The following RNF111 variants were observed in gnomAD, a reference collection of about 807,000 sequenced individuals.
RNF111 encodes the protein ring finger protein 111, also known as E3 ubiquitin-protein ligase Arkadia.
RNF111 carries 17 observed loss-of-function variants against 95.1 expected under a neutral mutation model. The ratio of observed to expected loss-of-function variants is 0.18; its 90% confidence interval spans 0.12 to 0.27. The LOEUF (loss-of-function observed/expected upper bound fraction) is 0.27, where lower values mean the gene tolerates loss of function less well. Among genes scored for constraint, RNF111 ranks in the 10% least tolerant of loss-of-function variants. RNF111 has a pLI of 1.00. For missense variants in RNF111, 1,189 were observed against 1,210.4 expected (o/e 0.98, Z 0.26); for synonymous variants, 440 against 414.8 (o/e 1.06, Z -0.74).
At chr15:59,093,272 A>T (rs2079103136) in intron 13 of RNF111, 1 of 352,774 alleles carries the variant, frequency 2.8e-6, no homozygotes, top group Non-Finnish European at 5.4e-6. Flanking sequence ...CTAGAAAGTT[A>T]TAATGTGTTC....
chr15:59,089,531 T>G, intron 10 of RNF111, 136 bp from the exon 11 acceptor site: 1 of 661,998 alleles, frequency 1.5e-6, no homozygotes, highest in Non-Finnish European at 2.7e-6. Context: ...TTAGTTGGAG[T>G]TATGTATTCT....
intron 6 of RNF111, among the ~76,000 whole-genome samples, chr15:59,067,965 T>G (rs1218218545): frequency 1.3e-5 from 2 of 152,242 alleles, no homozygotes; most frequent in Non-Finnish European, 2.9e-5. Flanking sequence ...TTAGTTGGTA[T>G]TATTATTGAG....
At chr15:59,024,872 C>A (rs1430099536) in intron 1 of RNF111, among the ~76,000 whole-genome samples, 2 of 152,144 alleles carry the variant, frequency 1.3e-5, no homozygotes, top group Non-Finnish European at 2.9e-5. Flanking sequence ...ATTTTATTTT[C>A]TGTCTATGAA....
intron 6 of RNF111, among the ~76,000 whole-genome samples, chr15:59,070,439 C>T (rs2042867450): frequency 6.6e-6 from 1 of 152,140 alleles, no homozygotes; most frequent in Non-Finnish European, 1.5e-5. Flanking sequence ...TGGTCACCTT[C>T]ATAAGATGTT....
chr15:59,071,298 CA>C (rs35775103), intron 6 of RNF111, among the ~76,000 whole-genome samples: 54,629 of 94,968 alleles, frequency 0.58, 13,984 homozygotes, highest in Admixed American at 0.68. Context: ...GACTCCATCT[CA>C]AAAAAAAAAA....
chr15:59,018,010 C>T (rs1212299651), intron 1 of RNF111, among the ~76,000 whole-genome samples: 2 of 152,062 alleles, frequency 1.3e-5, no homozygotes, highest in East Asian at 3.8e-4. Flanking sequence ...CCACCTGCCT[C>T]AGCCTCCCAA....
chr15:58,993,855 T>G (rs1298794213), intron 1 of RNF111, among the ~76,000 whole-genome samples: 1 of 152,104 alleles, frequency 6.6e-6, no homozygotes, highest in African/African-American at 2.4e-5. Context: ...TGTGATTGGA[T>G]TCTTAAAAAA....
chr15:59,037,663 C>T (rs2041244756), intron 2 of RNF111, among the ~76,000 whole-genome samples: 2 of 151,976 alleles, frequency 1.3e-5, no homozygotes, highest in African/African-American at 4.8e-5. Context: ...ATGGAGAAAC[C>T]CCGTCTCTAC....
chr15:58,991,308 A>G (rs1375820462), intron 1 of RNF111, among the ~76,000 whole-genome samples: 2 of 152,136 alleles, frequency 1.3e-5, no homozygotes, highest in Non-Finnish European at 2.9e-5. Context: ...ACAAAACAAC[A>G]AAAAAGCCTC....
intron 2 of RNF111, among the ~76,000 whole-genome samples, chr15:59,043,643 C>T (rs1410450731): frequency 6.6e-6 from 1 of 152,152 alleles, no homozygotes; most frequent in Admixed American, 6.5e-5. Flanking sequence ...CTACAGTGAA[C>T]ATTTGGGTAC....
At chr15:59,042,918 G>A (rs541590734) in intron 2 of RNF111, among the ~76,000 whole-genome samples, 1 of 152,162 alleles carries the variant, frequency 6.6e-6, no homozygotes, top group South Asian at 2.1e-4. Flanking sequence ...GGGTGGGGAG[G>A]TCTATGATGG....
intron 2 of RNF111, among the ~76,000 whole-genome samples, chr15:59,040,280 A>G (rs543593214): frequency 2.0e-5 from 3 of 151,866 alleles, no homozygotes; most frequent in East Asian, 3.9e-4. Context: ...TTGCTCCACT[A>G]ATTTTTAAAT....
At chr15:59,057,026 A>G (rs1411945231) in intron 4 of RNF111, among the ~76,000 whole-genome samples, 1 of 152,102 alleles carries the variant, frequency 6.6e-6, no homozygotes, top group African/African-American at 2.4e-5. Flanking sequence ...CTTCTCTCTT[A>G]TTAAAAATGA....
At chr15:59,005,287 G>A (rs1567204196) in intron 1 of RNF111, among the ~76,000 whole-genome samples, 1 of 152,250 alleles carries the variant, frequency 6.6e-6, no homozygotes, top group East Asian at 1.9e-4. Flanking sequence ...ATGAAGTGCT[G>A]GGATTACAGG....
chr15:59,028,838 G>A (rs1375060238), intron 1 of RNF111, among the ~76,000 whole-genome samples: 7 of 150,978 alleles, frequency 4.6e-5, no homozygotes, highest in African/African-American at 1.2e-4. Context: ...GGACTGTAGC[G>A]GTGCAGTCCC....
At chr15:59,027,701 G>C (rs1287230182) in intron 1 of RNF111, among the ~76,000 whole-genome samples, 1 of 147,784 alleles carries the variant, frequency 6.8e-6, no homozygotes, top group Admixed American at 6.8e-5. Flanking sequence ...GCTAATTTTT[G>C]TATTTTTAGT....
chr15:59,055,172 C>T (rs1331040419), intron 3 of RNF111, among the ~76,000 whole-genome samples: 2 of 152,186 alleles, frequency 1.3e-5, no homozygotes, highest in Non-Finnish European at 2.9e-5. Flanking sequence ...CTTACCTCTA[C>T]ACATCAGGAA....
intron 2 of RNF111, among the ~76,000 whole-genome samples, chr15:59,045,168 GT>G (rs5812960): frequency 1.7e-4 from 24 of 143,528 alleles, no homozygotes; most frequent in South Asian, 8.8e-4. Flanking sequence ...ATTTTTTACA[GT>G]TTTTTTTTTT....
intron 2 of RNF111, among the ~76,000 whole-genome samples, chr15:59,044,001 A>C (rs2041590786): frequency 1.3e-5 from 2 of 152,136 alleles, no homozygotes; most frequent in Non-Finnish European, 2.9e-5. Context: ...TGTGGCACAA[A>C]GTTTGTGCTC....
Sources: gnomAD v4.1 joint callset for allele counts (sites outside exome capture counted in the v4.1 genomes callset) on GRCh38, gnomAD v4.1.1 for gene constraint, MANE v1.5 for transcripts, NCBI Gene and HGNC (gene_info 2026-07-23, HGNC 2026-07-21) for gene names.